AOPEP: variants seen among roughly 807,000 people sequenced by gnomAD.
AOPEP encodes aminopeptidase O.
AOPEP carries 77 observed loss-of-function variants against 98.1 expected under a neutral mutation model. That is an observed-to-expected ratio of 0.78 (90% confidence interval 0.65 to 0.95). The LOEUF is 0.95. AOPEP is among the 40% of genes least tolerant of loss of function. The pLI, the probability that AOPEP is intolerant of heterozygous loss-of-function variation, is 0.00. For synonymous variants in AOPEP, 346 were observed against 365.3 expected, an observed-to-expected ratio of 0.95 and a Z score of 0.60; for missense variants, 1,024 against 1,024.7, an observed-to-expected ratio of 1.00 and a Z score of 0.01.
chr9:95,121,373 G>A, the AOPEP span, among the ~76,000 whole-genome samples: 1 of 152,200 alleles, frequency 6.6e-6, no homozygotes, highest in African/African-American at 2.4e-5. Flanking sequence ...TGACATGAGT[G>A]CTTCTGATGA....
intron 14 of AOPEP, among the ~76,000 whole-genome samples, chr9:95,076,183 CA>C (rs2069045505): frequency 6.6e-6 from 1 of 152,204 alleles, no homozygotes; most frequent in African/African-American, 2.4e-5. Context: ...TTTCACTTAT[CA>C]AAAGTTTGGT....
intron 3 of AOPEP, among the ~76,000 whole-genome samples, chr9:94,778,036 G>A (rs913804596): frequency 6.6e-6 from 1 of 152,164 alleles, no homozygotes; most frequent in African/African-American, 2.4e-5. Context: ...AATGTGCAAA[G>A]TAAATGAAAA....
chr9:94,745,616 G>A (rs1440883724), intron 1 of AOPEP, among the ~76,000 whole-genome samples: 3 of 152,170 alleles, frequency 2.0e-5, no homozygotes, highest in Admixed American at 6.5e-5. Flanking sequence ...TGAGAACATG[G>A]AAGTCTGTCT....
chr9:95,118,736 G>A, the AOPEP span, among the ~76,000 whole-genome samples: 3 of 152,190 alleles, frequency 2.0e-5, no homozygotes, highest in Non-Finnish European at 2.9e-5. Flanking sequence ...GTTATTGTGT[G>A]CGAGTAGATC....
At chr9:95,009,559 C>T (rs764888570) in intron 13 of AOPEP, among the ~76,000 whole-genome samples, 19 of 152,182 alleles carry the variant, frequency 1.2e-4, no homozygotes, top group Non-Finnish European at 2.1e-4. Context: ...CATTGGCTCA[C>T]TTTCAAATCA....
At chr9:94,866,438 C>A (rs2135523395) in intron 5 of AOPEP, among the ~76,000 whole-genome samples, 1 of 152,270 alleles carries the variant, frequency 6.6e-6, no homozygotes. Flanking sequence ...GGCCTCCTGG[C>A]ATTTGGAAAC....
chr9:94,818,093 C>T (rs1852104876), intron 5 of AOPEP, among the ~76,000 whole-genome samples: 1 of 152,170 alleles, frequency 6.6e-6, no homozygotes, highest in South Asian at 2.1e-4. Flanking sequence ...AGAGAGAGCT[C>T]TGCTTTGCAG....
chr9:94,965,544 T>A (rs2059135288), intron 9 of AOPEP, among the ~76,000 whole-genome samples: 1 of 152,276 alleles, frequency 6.6e-6, no homozygotes, highest in Non-Finnish European at 1.5e-5. Flanking sequence ...GGTTTGCAGA[T>A]TTCTATCCCT....
At chr9:95,121,501 A>G in the AOPEP span, among the ~76,000 whole-genome samples, 1 of 152,230 alleles carries the variant, frequency 6.6e-6, no homozygotes, top group Non-Finnish European at 1.5e-5. Flanking sequence ...TTTGTATTCC[A>G]AATACACTTC....
intron 3 of AOPEP, among the ~76,000 whole-genome samples, chr9:94,781,606 G>C (rs2133158397): frequency 6.6e-6 from 1 of 150,384 alleles, no homozygotes; most frequent in South Asian, 2.1e-4. Context: ...TGTCGCCCAG[G>C]CTGGAGTGCA....
chr9:95,107,640 C>T, the AOPEP span: 6 of 394,686 alleles, frequency 1.5e-5, no homozygotes, highest in Middle Eastern at 7.6e-4. Context: ...CAATTAAAGC[C>T]CCACGCAGTC....
chr9:94,819,827 C>G (rs983489107), intron 5 of AOPEP, among the ~76,000 whole-genome samples: 7 of 151,994 alleles, frequency 4.6e-5, no homozygotes, highest in Non-Finnish European at 2.9e-5. Context: ...CCCGCCTTGG[C>G]CTTCTGAAGT....
intron 5 of AOPEP, among the ~76,000 whole-genome samples, chr9:94,812,265 A>G (rs544932996): frequency 1.3e-5 from 2 of 152,276 alleles, no homozygotes; most frequent in South Asian, 4.1e-4. Flanking sequence ...AATGTGCTCC[A>G]CTGTTTGGTG....
At chr9:95,016,076 A>T (rs150850174) in intron 13 of AOPEP, among the ~76,000 whole-genome samples, 37 of 151,480 alleles carry the variant, frequency 2.4e-4, no homozygotes, top group African/African-American at 6.8e-4. Context: ...CTACCTCTGA[A>T]CTTGGTTCAG....
chr9:95,048,613 C>A (rs1255182677), intron 13 of AOPEP, among the ~76,000 whole-genome samples: 1 of 152,146 alleles, frequency 6.6e-6, no homozygotes, highest in Non-Finnish European at 1.5e-5. Context: ...CACGCCTGCC[C>A]TCGGCTCCCA....
chr9:95,146,094 T>C, the AOPEP span, among the ~76,000 whole-genome samples: 2 of 152,224 alleles, frequency 1.3e-5, no homozygotes, highest in South Asian at 4.1e-4. Context: ...TTTTAAGATG[T>C]AATAATGGTA....
At chr9:95,084,077 TATG>T (rs1213298867) in intron 16 of AOPEP, among the ~76,000 whole-genome samples, 3 of 152,236 alleles carry the variant, frequency 2.0e-5, no homozygotes. Flanking sequence ...CAGTGTTTTA[TATG>T]ATATTAATAG....
Position 95,012,647 on chromosome 9 carries a change from G to C in AOPEP, c.2115+7031G>C, listed in dbSNP as rs529545052. Among the ~76,000 whole-genome samples the C allele has an allele frequency of 1.3e-5, 2 of 152,132 alleles. 1 individual carries two copies. The highest frequency in any genetic ancestry group is 2.9e-5 in the Non-Finnish European group (2 of 68,014). On this transcript the variant is annotated intron_variant, in intron 13 of 16. Transcript: ENST00000375315. ...GCCTGCCATTGTTTCCATTCATCTTGTATTGGAGGAGGCTGACAGCAGCGT... is the reference window on the plus strand; with the variant it reads ...GCCTGCCATTGTTTCCATTCATCTTCTATTGGAGGAGGCTGACAGCAGCGT...
At chr9:94,803,100 AC>A (rs1173124246) in intron 5 of AOPEP, among the ~76,000 whole-genome samples, 15 of 152,134 alleles carry the variant, frequency 9.9e-5, no homozygotes, top group African/African-American at 3.6e-4. Flanking sequence ...TCAACTTCAT[AC>A]CCTAAACAGG....
Sources: allele counts gnomAD v4.1 joint callset (sites outside exome capture counted in the v4.1 genomes callset), GRCh38; gene constraint gnomAD v4.1.1; transcripts MANE v1.5; gene names NCBI Gene and HGNC (gene_info 2026-07-23, HGNC 2026-07-21).